The following AVPR1B variants were observed in gnomAD, a reference collection of about 807,000 sequenced individuals.
AVPR1B encodes the protein arginine vasopressin receptor 1B.
Under a neutral mutation model 27.5 loss-of-function variants are expected in AVPR1B, and 25 were observed. The ratio of observed to expected loss-of-function variants is 0.91; its 90% CI spans 0.66 to 1.27. The LOEUF is 1.27. Among genes scored for constraint, AVPR1B ranks in the 50% most tolerant of loss-of-function variants. The pLI is 0.00. For synonymous variants in AVPR1B, 248 were observed against 240.2 expected (o/e 1.03, Z -0.30); for missense variants, 595 against 556.9 (o/e 1.07, Z -0.69).
Position 206,107,751 on chromosome 1 carries a change from C to T in AVPR1B, c.*2438G>A, listed in dbSNP as rs1553289199. Among the ~76,000 whole-genome samples, 1 of 152,230 alleles carries T rather than the reference C, an allele frequency of 6.6e-6. No homozygotes were observed. Among genetic ancestry groups the T allele is most frequent in the Non-Finnish European group, 1.5e-5 (1 of 68,040 alleles). ...AGCCTTGATCCCAGGTCTGTCTCCT[C>T]TTTTCCTCTCTGAACTGTAGACTCT... On this transcript the variant is annotated 3_prime_UTR_variant, in exon 2 of 2. Transcript: ENST00000367126.
At chr1:206,113,167 C>T (rs957455468) in intron 1 of AVPR1B, among the ~76,000 whole-genome samples, 12 of 152,146 alleles carry the variant, frequency 7.9e-5, no homozygotes, top group African/African-American at 2.7e-4. Flanking sequence ...GGGCTGGAGA[C>T]GTGCCACAGA....
intron 1 of AVPR1B, among the ~76,000 whole-genome samples, chr1:206,114,366 C>T (rs1466725868): frequency 6.6e-6 from 1 of 152,162 alleles, no homozygotes; most frequent in Non-Finnish European, 1.5e-5. Flanking sequence ...AGATGCACTG[C>T]AGGGCACAAT....
In AVPR1B at chr1:206,109,509, G is replaced by A. The variant is rs34180711; in HGVS notation, c.*680C>T. On this transcript the variant is annotated 3_prime_UTR_variant, in exon 2 of 2. Transcript: ENST00000367126. ...CACAGAGAATATACAACACTTTCCCGTCATCCACGCTGTCATGGGGGGTGG... is the reference window on the plus strand; with the variant it reads ...CACAGAGAATATACAACACTTTCCCATCATCCACGCTGTCATGGGGGGTGG... Among the ~76,000 whole-genome samples the A allele has an allele frequency of 4.0e-4, 34 of 85,634 alleles. No individual in the cohort carries two copies. The highest frequency in any genetic ancestry group is 6.0e-4 in the Non-Finnish European group (29 of 48,338). The allele number at this position is 85,634 out of a possible 152,430, so 56.2% of individuals were successfully genotyped here.
In AVPR1B at chr1:206,116,239, A is replaced by G. The variant is rs1487097112; in HGVS notation, c.652T>C (p.Cys218Arg). The G allele has an allele frequency of 3.7e-6, 6 of 1,613,572 alleles. No individual in the cohort carries two copies. The highest frequency in any genetic ancestry group is 4.2e-6 in the Non-Finnish European group (5 of 1,180,010). The change falls in exon 1 of 2, where the codon TGC becomes CGC. Residue 218 changes from cysteine to arginine, a missense_variant. Coordinates refer to ENST00000367126, the MANE Select transcript of AVPR1B (RefSeq NM_000707.5). Reference protein sequence around the residue: ...FVLPVTMLTACYSLICHEICK... With the variant: ...FVLPVTMLTARYSLICHEICK... ...ATCTCATGGCAGATGAGGCTGTAGC[A>G]GGCCGTGAGCATGGTCACCGGCAGA...
chr1:206,113,247 C>A (rs1197390666), intron 1 of AVPR1B, among the ~76,000 whole-genome samples: 1 of 152,178 alleles, frequency 6.6e-6, no homozygotes, highest in Non-Finnish European at 1.5e-5. Flanking sequence ...GTGGATCTAC[C>A]ACACCCAGTC....
intron 1 of AVPR1B, among the ~76,000 whole-genome samples, chr1:206,115,635 C>T (rs1553290380): frequency 6.6e-6 from 1 of 152,162 alleles, no homozygotes; most frequent in East Asian, 1.9e-4. Context: ...GATTTTAAAG[C>T]CCATCTAGCA....
In AVPR1B at chr1:206,116,338, C is replaced by A. The variant is rs781973808; in HGVS notation, c.553G>T (p.Asp185Tyr). ...REVIQGSGVL[D>Y]CWADFGFPWG... ...GGGAAGCCGAAGTCTGCCCAGCAGT[C>A]CAGCACCCCTGAGCCCTGGATCACC... The change falls in exon 1 of 2, where the codon GAC becomes TAC. Residue 185 changes from aspartate to tyrosine, a missense_variant. Asp to Tyr is a radical substitution (Grantham distance 160). Coordinates refer to ENST00000367126, the MANE Select transcript of AVPR1B (RefSeq NM_000707.5). 3 of 1,613,446 alleles carry A rather than the reference C, an allele frequency of 1.9e-6. No homozygotes were observed. The East Asian group carries it at 6.7e-5, about 36-fold the overall frequency.
Position 206,116,694 on chromosome 1 carries a change from C to T in AVPR1B, c.197G>A (p.Arg66His), listed in dbSNP as rs782074794. 5.6e-6 allele frequency: 9 copies of T among 1,608,040 alleles called. No homozygotes were observed. The highest frequency in any genetic ancestry group is 5.0e-5 in the Admixed American group (3 of 59,626). Residue 66 changes from arginine to histidine, a missense_variant, in exon 1 of 2, where the codon CGC becomes CAC. Coordinates refer to ENST00000367126, the MANE Select transcript of AVPR1B (RefSeq NM_000707.5). ...CAGCACGAACAGGTGCATGCGGGAG[C>T]GCTTGCGGCCCAGCTGGCCCAGGGT... is the stretch of plus-strand genomic sequence containing the variant. ...LLTLGQLGRK[R>H]SRMHLFVLHL...
chr1:206,115,915 C>T (rs782515825), intron 1 of AVPR1B, 36 bp downstream of exon 1: 1 of 1,553,210 alleles, frequency 6.4e-7, no homozygotes, highest in South Asian at 1.2e-5. Flanking sequence ...CTTTCTGTCT[C>T]TCCCACCTCA....
rs1409232236 is a variant in AVPR1B at position 206,110,068 on chromosome 1, G to A, written c.*121C>T. Reference sequence around the variant, plus strand: ...GGACCCATTCTGGCCTTTTCGCTCCGCTTTAGACAGGGCTCCTCTAACTCC... The same window carrying A: ...GGACCCATTCTGGCCTTTTCGCTCCACTTTAGACAGGGCTCCTCTAACTCC... On this transcript the variant is annotated 3_prime_UTR_variant, in exon 2 of 2. Transcript: ENST00000367126. 1.8e-5 allele frequency: 22 copies of A among 1,225,918 alleles called. No homozygotes were observed. The highest frequency in any genetic ancestry group is 6.3e-5 in the South Asian group (4 of 63,030). 75.9% of individuals were successfully genotyped at this position (1,225,918 alleles called of 1,614,324 possible). A position where few individuals can be genotyped will look rare whatever the true frequency, so the allele number is the denominator to read the frequency against.
rs1250153310 is a variant in AVPR1B at position 206,107,944 on chromosome 1, T to C, written c.*2245A>G. On this transcript the variant is annotated 3_prime_UTR_variant, in exon 2 of 2. Coordinates refer to ENST00000367126, the MANE Select transcript of AVPR1B (RefSeq NM_000707.5). ...ATTTAATAAATGAAGAAAGCATTGC[T>C]GGGGGAGATTGGATAACTTGCTTAA... Among the ~76,000 whole-genome samples the C allele has an allele frequency of 1.3e-5, 2 of 152,190 alleles. No individual in the cohort carries two copies. Among genetic ancestry groups the C allele is most frequent in the Non-Finnish European group, 2.9e-5 (2 of 68,032 alleles).
rs781831566 is a variant in AVPR1B, at chr1:206,107,181, T to C, written c.*3008A>G. Reference sequence around the variant, plus strand: ...TCCTCTCTGTCCCGTCTGCCCCTCATGTCCTGCTTGTACATAGGTTTTAAG... The same window carrying C: ...TCCTCTCTGTCCCGTCTGCCCCTCACGTCCTGCTTGTACATAGGTTTTAAG... On this transcript the variant is annotated 3_prime_UTR_variant, in exon 2 of 2. Transcript: ENST00000367126. Among the ~76,000 whole-genome samples the C allele has an allele frequency of 2.0e-5, 3 of 152,166 alleles. No homozygotes were observed. The highest frequency in any genetic ancestry group is 4.4e-5 in the Non-Finnish European group (3 of 68,016).
chr1:206,112,010 A>G (rs1363504361), intron 1 of AVPR1B, among the ~76,000 whole-genome samples: 1 of 152,204 alleles, frequency 6.6e-6, no homozygotes. Context: ...CCTGGCCAAC[A>G]TGGTGAAACC....
In AVPR1B at chr1:206,109,190, C is replaced by T. The variant is rs533649666; in HGVS notation, c.*999G>A. Among the ~76,000 whole-genome samples the T allele has an allele frequency of 9.6e-4, 146 of 152,296 alleles. No individual in the cohort carries two copies. The highest frequency in any genetic ancestry group is 3.5e-3 in the African/African-American group (144 of 41,568). The stretch of plus-strand genomic sequence containing the variant: ...ACTGAAGGCAGAGCTGAGATTCAAA[C>T]CCGGGCTCCTAACTGGATCACAGCA... On this transcript the variant is annotated 3_prime_UTR_variant, in exon 2 of 2. Transcript: ENST00000367126.
Position 206,116,213 on chromosome 1 carries a change from G to T in AVPR1B, c.678C>A (p.Ile226=). Residue 226 remains isoleucine (I), a synonymous_variant, in exon 1 of 2, where the codon ATC becomes ATA. Coordinates refer to ENST00000367126, the MANE Select transcript of AVPR1B (RefSeq NM_000707.5). ...GTGTCTTGACTTTTAGGTTTTTACA[G>T]ATCTCATGGCAGATGAGGCTGTAGC... ...TACYSLICHE[I]CKNLKVKTQA... is the part of the protein sequence containing the mutation. The T allele has an allele frequency of 1.9e-6, 3 of 1,613,264 alleles. No homozygotes were observed. Among genetic ancestry groups the T allele is most frequent in the Non-Finnish European group, 2.5e-6 (3 of 1,179,812 alleles).
At chr1:206,112,712 C>A (rs1443313568) in intron 1 of AVPR1B, among the ~76,000 whole-genome samples, 1 of 152,014 alleles carries the variant, frequency 6.6e-6, no homozygotes, top group Non-Finnish European at 1.5e-5. Context: ...TGGTTTTGAA[C>A]TCTTGGAATC....
Position 206,117,357 on chromosome 1 carries a change from G to A in AVPR1B, c.-467C>T. 1 of 154,942 alleles carries A rather than the reference G, an allele frequency of 6.5e-6. No homozygotes were observed. 9.6% of individuals were successfully genotyped at this position (154,942 alleles called of 1,614,324 possible). A position where few individuals can be genotyped will look rare whatever the true frequency, so the allele number is the denominator to read the frequency against. On this transcript the variant is annotated 5_prime_UTR_variant, in exon 1 of 2. Coordinates refer to ENST00000367126, the MANE Select transcript of AVPR1B (RefSeq NM_000707.5). Reference sequence around the variant, plus strand: ...AGGGCAGGAAGCCCCAGCCAAGCCCGCTCGCTCTGCCTGGTGAGCAGCGGC... The same window carrying A: ...AGGGCAGGAAGCCCCAGCCAAGCCCACTCGCTCTGCCTGGTGAGCAGCGGC...
chr1:206,113,095 A>G (rs28477649), intron 1 of AVPR1B, among the ~76,000 whole-genome samples: 41,157 of 152,094 alleles, frequency 0.27, 9,062 homozygotes, highest in African/African-American at 0.61. Context: ...AAGGAGTTCC[A>G]CAGGTTCCTT....
Position 206,116,100 on chromosome 1 carries a change from G to A in AVPR1B, c.791C>T (p.Ser264Phe), listed in dbSNP as rs782543321. 2 of 1,614,254 alleles carry A rather than the reference G, an allele frequency of 1.2e-6. No individual in the cohort carries two copies. Among genetic ancestry groups the A allele is most frequent in the South Asian group, 1.1e-5 (1 of 91,086 alleles). The change falls in exon 1 of 2, where the codon TCT becomes TTT. Residue 264 changes from serine to phenylalanine, a missense_variant. Transcript: ENST00000367126. ...GATGGTGTTGATGCTGCTGACCCGA[G>A]ATGGCAGCCCCCGAGTGGTGGCAGC... is the stretch of plus-strand genomic sequence containing the variant. ...TLAATTRGLP[S>F]RVSSINTISR...
Sources: allele counts gnomAD v4.1 joint callset (sites outside exome capture counted in the v4.1 genomes callset), GRCh38; gene constraint gnomAD v4.1.1; transcripts MANE v1.5; gene names NCBI Gene and HGNC (gene_info 2026-07-23, HGNC 2026-07-21).